RPAP2: variants seen among roughly 807,000 people sequenced by gnomAD.
RPAP2 encodes RNA polymerase II associated protein 2.
Under a neutral mutation model 73.1 loss-of-function variants are expected in RPAP2, and 52 were observed. The observed-to-expected ratio is 0.71, with a 90% CI of 0.57 to 0.90. The LOEUF is 0.90. Among genes scored for constraint, RPAP2 ranks in the 40% least tolerant of loss-of-function variants. The pLI, the probability that RPAP2 is intolerant of heterozygous loss-of-function variation, is 0.00. For synonymous variants in RPAP2, 225 were observed against 242.1 expected, an observed-to-expected ratio of 0.93 and a Z score of 0.65; for missense variants, 598 against 701.8, an observed-to-expected ratio of 0.85 and a Z score of 1.67.
rs1262845161 is a variant in RPAP2, at chr1:92,389,365, C to G, written c.*2354C>G. 1 of 152,198 alleles carries G rather than the reference C, an allele frequency of 6.6e-6. No homozygotes were observed. The highest frequency in any genetic ancestry group is 6.5e-5 in the Admixed American group (1 of 15,274). 9.4% of individuals were successfully genotyped at this position (152,198 alleles called of 1,614,324 possible). ...AGCATCAACATCAAAAAAAGGACATCTACACCAAAACCCCATCCATAGGAC... is the reference window on the plus strand; with the variant it reads ...AGCATCAACATCAAAAAAAGGACATGTACACCAAAACCCCATCCATAGGAC... On this transcript the variant is annotated 3_prime_UTR_variant, in exon 13 of 13. Coordinates refer to ENST00000610020, the MANE Select transcript of RPAP2 (RefSeq NM_024813.3).
At chr1:92,300,361 G>C in intron 2 of RPAP2, 122 bp downstream of exon 2, 2 of 733,676 alleles carry the variant, frequency 2.7e-6, no homozygotes, top group Non-Finnish European at 2.3e-6. Context: ...AGAGGGAAGG[G>C]AAAGATCTGG....
intron 10 of RPAP2, among the ~76,000 whole-genome samples, chr1:92,345,462 A>T (rs1376074471): frequency 9.8e-6 from 1 of 102,330 alleles, no homozygotes; most frequent in South Asian, 3.8e-4. Flanking sequence ...GGACAGAGGG[A>T]GGGAGGGAAA....
chr1:92,331,927 T>C (rs1382846660), intron 8 of RPAP2, among the ~76,000 whole-genome samples: 2 of 152,180 alleles, frequency 1.3e-5, no homozygotes, highest in African/African-American at 4.8e-5. Context: ...GTTATTTTCT[T>C]TCAGCCCATT....
intron 11 of RPAP2, among the ~76,000 whole-genome samples, chr1:92,351,118 C>G (rs1271187358): frequency 6.6e-6 from 1 of 151,688 alleles, no homozygotes; most frequent in Non-Finnish European, 1.5e-5. Context: ...ACCATCCTGG[C>G]CAACATGGTG....
intron 10 of RPAP2, among the ~76,000 whole-genome samples, chr1:92,343,976 T>A (rs1362181484): frequency 6.6e-6 from 1 of 152,202 alleles, no homozygotes; most frequent in Non-Finnish European, 1.5e-5. Context: ...TCCCCTTTGT[T>A]CCCTTTCCCA....
In RPAP2 at chr1:92,388,757, T is replaced by A. The variant is rs1442009147; in HGVS notation, c.*1746T>A. On this transcript the variant is annotated 3_prime_UTR_variant, in exon 13 of 13. Coordinates refer to ENST00000610020, the MANE Select transcript of RPAP2 (RefSeq NM_024813.3). ...CAGTGGGTCCCACGCCCACAGAGCC[T>A]TGCTCACTGCTAGCGCCAGCAGTCT... The A allele has an allele frequency of 1.3e-5, 2 of 152,354 alleles. No individual in the cohort carries two copies. Among genetic ancestry groups the A allele is most frequent in the African/African-American group, 4.8e-5 (2 of 41,476 alleles). 9.4% of individuals were successfully genotyped at this position (152,354 alleles called of 1,614,324 possible). A position where few individuals can be genotyped will look rare whatever the true frequency, so the allele number is the denominator to read the frequency against.
intron 5 of RPAP2, among the ~76,000 whole-genome samples, chr1:92,306,009 A>G (rs1261889260): frequency 6.6e-6 from 1 of 152,234 alleles, no homozygotes; most frequent in Admixed American, 6.5e-5. Flanking sequence ...TGGATAAACA[A>G]TGTCGTATAT....
chr1:92,372,511 A>G (rs1655196182), intron 11 of RPAP2, among the ~76,000 whole-genome samples: 1 of 152,226 alleles, frequency 6.6e-6, no homozygotes, highest in Non-Finnish European at 1.5e-5. Flanking sequence ...TTTAAAGCTC[A>G]TCTCACACCT....
At chr1:92,374,614 T>C (rs1189989025) in intron 11 of RPAP2, among the ~76,000 whole-genome samples, 1 of 152,140 alleles carries the variant, frequency 6.6e-6, no homozygotes, top group East Asian at 1.9e-4. Flanking sequence ...TCTTTGGCAA[T>C]AGCTACAACC....
In RPAP2 at chr1:92,398,779, A is replaced by C. The variant is rs1293002246; in HGVS notation, c.*11768A>C. The C allele has an allele frequency of 6.6e-6, 1 of 152,146 alleles. No homozygotes were observed. Among genetic ancestry groups the C allele is most frequent in the Non-Finnish European group, 1.5e-5 (1 of 68,040 alleles). The allele number at this position is 152,146 out of a possible 1,614,324, so 9.4% of individuals were successfully genotyped here. A position where few individuals can be genotyped will look rare whatever the true frequency, so the allele number is the denominator to read the frequency against. ...CTCCTCTCCTGTGCAGCACAAGCTG[A>C]AGGATAAGGTGTGGGGCAGTGACTG... is the stretch of plus-strand genomic sequence containing the variant. On this transcript the variant is annotated 3_prime_UTR_variant, in exon 13 of 13. Coordinates refer to ENST00000610020, the MANE Select transcript of RPAP2 (RefSeq NM_024813.3).
At position 92,387,968 on chromosome 1, in the gene RPAP2, A is replaced by G. The variant is rs991880699; in HGVS notation, c.*957A>G. 1 of 152,244 alleles carries G rather than the reference A, an allele frequency of 6.6e-6. No homozygotes were observed. 9.4% of individuals were successfully genotyped at this position (152,244 alleles called of 1,614,324 possible). On this transcript the variant is annotated 3_prime_UTR_variant, in exon 13 of 13. Coordinates refer to ENST00000610020, the MANE Select transcript of RPAP2 (RefSeq NM_024813.3). ...CTCTGTATGGGCAAAGGCTACTGTC[A>G]TCCTGTTGTTGGTCTGGGGCCACTC...
intron 6 of RPAP2, among the ~76,000 whole-genome samples, chr1:92,317,098 G>A (rs1651951085): frequency 6.6e-6 from 1 of 152,134 alleles, no homozygotes; most frequent in South Asian, 2.1e-4. Flanking sequence ...ACTAAATAGA[G>A]GCAACAGGAT....
rs550123274 is a variant in RPAP2 at position 92,398,643 on chromosome 1, C to G, written c.*11632C>G. On this transcript the variant is annotated 3_prime_UTR_variant, in exon 13 of 13. Coordinates refer to ENST00000610020, the MANE Select transcript of RPAP2 (RefSeq NM_024813.3). Reference sequence around the variant, plus strand: ...GACTTTCATCTGAAATGTACCTAGGCAGGCCAGAGTCTGAGTTAGGACTGG... The same window carrying G: ...GACTTTCATCTGAAATGTACCTAGGGAGGCCAGAGTCTGAGTTAGGACTGG... The G allele has an allele frequency of 6.6e-6, 1 of 152,352 alleles. No homozygotes were observed. The highest frequency in any genetic ancestry group is 6.5e-5 in the Admixed American group (1 of 15,298). 9.4% of individuals were successfully genotyped at this position (152,352 alleles called of 1,614,324 possible). A position where few individuals can be genotyped will look rare whatever the true frequency, so the allele number is the denominator to read the frequency against.
At chr1:92,310,283 C>G (rs1327748727) in intron 6 of RPAP2, among the ~76,000 whole-genome samples, 1 of 152,160 alleles carries the variant, frequency 6.6e-6, no homozygotes, top group Non-Finnish European at 1.5e-5. Flanking sequence ...AATGAATCCA[C>G]TAGAGGTCAC....
intron 11 of RPAP2, among the ~76,000 whole-genome samples, chr1:92,349,049 C>G (rs2101326209): frequency 6.6e-6 from 1 of 152,304 alleles, no homozygotes; most frequent in Non-Finnish European, 1.5e-5. Context: ...AGCTTATTGC[C>G]ACTAACATTG....
chr1:92,320,543 T>TA, intron 6 of RPAP2, 56 bp from the exon 7 acceptor site: 2 of 1,498,554 alleles, frequency 1.3e-6, no homozygotes, highest in Non-Finnish European at 1.9e-6. Flanking sequence ...GTGCTGGGGT[T>TA]ACAGGCATGA....
At chr1:92,377,586 G>A (rs545194764) in intron 11 of RPAP2, among the ~76,000 whole-genome samples, 10 of 151,776 alleles carry the variant, frequency 6.6e-5, no homozygotes, top group Non-Finnish European at 1.2e-4. Flanking sequence ...TAGTTAGACT[G>A]GGGGGGAACA....
chr1:92,363,528 G>T (rs1368863893), intron 11 of RPAP2, among the ~76,000 whole-genome samples: 1 of 152,154 alleles, frequency 6.6e-6, no homozygotes, highest in East Asian at 1.9e-4. Context: ...TAGGGTATGA[G>T]GTTCTCTTCT....
rs569814591 is a variant in RPAP2, at chr1:92,387,446, T to C, written c.*435T>C. 4.6e-5 allele frequency: 7 copies of C among 152,934 alleles called. No individual in the cohort carries two copies. The highest frequency in any genetic ancestry group is 1.7e-4 in the African/African-American group (7 of 41,572). 9.5% of individuals were successfully genotyped at this position (152,934 alleles called of 1,614,324 possible). ...TAAATTCTAAAGATCAGTAAACAAT[T>C]AGGTCAATAAATACATACAATTTAA... On this transcript the variant is annotated 3_prime_UTR_variant, in exon 13 of 13. Transcript: ENST00000610020.
Sources: allele counts gnomAD v4.1 joint callset (sites outside exome capture counted in the v4.1 genomes callset), GRCh38; gene constraint gnomAD v4.1.1; transcripts MANE v1.5; gene names NCBI Gene and HGNC (gene_info 2026-07-23, HGNC 2026-07-21).